Variants in DOCK10 observed in about 807,000 individuals in gnomAD.
The protein encoded by DOCK10 is dedicator of cytokinesis protein 10.
A neutral mutation model predicts 280.1 loss-of-function variants in DOCK10; 145 were observed. The ratio of observed to expected loss-of-function variants is 0.52; its 90% CI spans 0.45 to 0.59. The LOEUF (loss-of-function observed/expected upper bound fraction) is 0.59. DOCK10 is among the 20% of genes least tolerant of loss of function. The pLI is 0.00. For missense variants in DOCK10, 2,368 were observed against 2,651.7 expected, an observed-to-expected ratio of 0.89 and a Z score of 2.35; for synonymous variants, 915 against 942.2, an observed-to-expected ratio of 0.97 and a Z score of 0.53.
At chr2:224,801,396 GGTTAA>G (rs1693005514) in intron 40 of DOCK10, among the ~76,000 whole-genome samples, 1 of 151,972 alleles carries the variant, frequency 6.6e-6, no homozygotes, top group Non-Finnish European at 1.5e-5. Context: ...TGTTATATAG[GGTTAA>G]CTAAAACCCC....
In DOCK10 at chr2:224,765,877, G is replaced by T. The variant is rs192652484; in HGVS notation, c.6445-40C>A. 5.3e-5 allele frequency: 77 copies of T among 1,459,730 alleles called. No homozygotes were observed. In the East Asian group the frequency reaches 1.8e-3, roughly 34 times the overall value. 90.4% of individuals were successfully genotyped at this position (1,459,730 alleles called of 1,614,324 possible). On this transcript the variant is annotated intron_variant, in intron 55 of 55. Transcript: ENST00000258390. ...AAACACAACACAACAGAATGCAGAG[G>T]TTAATGTTAATATCCCAAACACAAA...
intron 18 of DOCK10, among the ~76,000 whole-genome samples, chr2:224,849,830 G>C (rs1327575260): frequency 6.6e-6 from 1 of 152,178 alleles, no homozygotes; most frequent in East Asian, 1.9e-4. Context: ...TCATCATATA[G>C]TTAATACGCC....
chr2:224,848,201 C>T (rs530795641), intron 19 of DOCK10, among the ~76,000 whole-genome samples: 12 of 152,232 alleles, frequency 7.9e-5, no homozygotes, highest in Admixed American at 1.3e-4. Context: ...TTTCAGACTT[C>T]GTACCACCAA....
chr2:224,840,315 A>T (rs2125456736), intron 23 of DOCK10: 2 of 326,242 alleles, frequency 6.1e-6, no homozygotes, highest in Non-Finnish European at 1.1e-5. Context: ...GAGTAAAGAG[A>T]CAACTTTACT....
intron 23 of DOCK10, among the ~76,000 whole-genome samples, chr2:224,841,226 C>CT (rs1559534178): frequency 6.6e-6 from 1 of 151,980 alleles, no homozygotes; most frequent in Admixed American, 6.6e-5. Context: ...TTAAAAATCT[C>CT]TAAGAGAGTG....
At chr2:224,776,417 T>A (rs1273061509) in intron 51 of DOCK10, among the ~76,000 whole-genome samples, 1 of 152,150 alleles carries the variant, frequency 6.6e-6, no homozygotes, top group Non-Finnish European at 1.5e-5. Context: ...GATACCAAAT[T>A]TGGCATTTTC....
chr2:225,039,769 C>T (rs909339118), intron 1 of DOCK10, among the ~76,000 whole-genome samples: 8 of 152,118 alleles, frequency 5.3e-5, no homozygotes, highest in Non-Finnish European at 1.2e-4. Context: ...GACAACCTTA[C>T]CTAAACTTAT....
At chr2:224,798,391 G>A (rs765382000) in intron 41 of DOCK10, among the ~76,000 whole-genome samples, 2 of 152,170 alleles carry the variant, frequency 1.3e-5, no homozygotes, top group Non-Finnish European at 1.5e-5. Flanking sequence ...AGTAGCTGAT[G>A]CAATGGCGAG....
intron 11 of DOCK10, among the ~76,000 whole-genome samples, chr2:224,866,390 G>A (rs371587770): frequency 2.0e-5 from 3 of 152,244 alleles, no homozygotes; most frequent in Admixed American, 6.5e-5. Context: ...ACTTCATTGT[G>A]TCTAGAGCAC....
intron 3 of DOCK10, 124 bp downstream of exon 3, chr2:224,916,571 C>G: frequency 4.5e-6 from 2 of 448,912 alleles, no homozygotes; most frequent in East Asian, 4.6e-5. Flanking sequence ...AAGACATCCA[C>G]TAGTTAGAAT....
intron 1 of DOCK10, among the ~76,000 whole-genome samples, chr2:224,959,273 G>A (rs1411524262): frequency 1.1e-5 from 1 of 94,684 alleles, no homozygotes; most frequent in Non-Finnish European, 2.5e-5. Context: ...TAGGTTGAGT[G>A]ACCTCAGGCA....
At chr2:225,026,290 T>C (rs900132657) in intron 1 of DOCK10, among the ~76,000 whole-genome samples, 3 of 152,220 alleles carry the variant, frequency 2.0e-5, no homozygotes, top group African/African-American at 7.2e-5. Flanking sequence ...ATTAGCAGCA[T>C]TCTGGCAGGG....
rs547710815 is a variant in DOCK10, at chr2:224,770,315, C to T, written c.6340G>A (p.Val2114Met). 2.2e-5 allele frequency: 36 copies of T among 1,606,554 alleles called. No individual in the cohort carries two copies. Among genetic ancestry groups the T allele is most frequent in the South Asian group, 3.4e-5 (3 of 89,438 alleles). The change falls in exon 55 of 56, where the codon GTG (valine) becomes ATG (methionine). Residue 2114 changes from valine to methionine, a missense_variant. Val to Met is a conservative substitution (Grantham distance 21). Transcript: ENST00000258390. The surrounding 1 kb of genome is among the most constrained non-coding windows in gnomAD (Gnocchi z 4.5). ...FADACGQALD[V>M]NERLIKEDQL... Reference sequence around the variant, plus strand: ...TCCTCTTTGATGAGGCGCTCATTCACGTCAAGGGCCTGCCCACATGCATCT... The same window carrying T: ...TCCTCTTTGATGAGGCGCTCATTCATGTCAAGGGCCTGCCCACATGCATCT...
At chr2:224,982,484 T>C in intron 1 of DOCK10, 1 of 1,227,622 alleles carries the variant, frequency 8.1e-7, no homozygotes, top group Non-Finnish European at 1.0e-6. Context: ...CACTCTCCAA[T>C]CACTTCCTTG....
chr2:224,823,209 A>G (rs906563242), intron 28 of DOCK10, among the ~76,000 whole-genome samples: 2 of 151,980 alleles, frequency 1.3e-5, no homozygotes, highest in South Asian at 2.1e-4. Context: ...GATGGTCTCT[A>G]TCTCTTGACC....
chr2:224,887,010 AC>A (rs1440920836), intron 4 of DOCK10, among the ~76,000 whole-genome samples: 5 of 151,676 alleles, frequency 3.3e-5, no homozygotes, highest in Non-Finnish European at 7.4e-5. Flanking sequence ...CTATCCTCCC[AC>A]CTCAGTCTCC....
intron 1 of DOCK10, among the ~76,000 whole-genome samples, chr2:225,005,330 T>C (rs766084045): frequency 2.0e-5 from 3 of 152,218 alleles, no homozygotes; most frequent in Non-Finnish European, 4.4e-5. Flanking sequence ...AAGGACATGA[T>C]TTCAATCATT....
chr2:224,830,504 T>C, intron 27 of DOCK10, 37 bp downstream of exon 27: 1 of 1,143,814 alleles, frequency 8.7e-7, no homozygotes, highest in Non-Finnish European at 1.2e-6. Context: ...GATAATATTG[T>C]AAAAATATTA....
chr2:224,776,280 C>A (rs908956485), intron 51 of DOCK10, among the ~76,000 whole-genome samples: 2 of 152,164 alleles, frequency 1.3e-5, no homozygotes, highest in African/African-American at 4.8e-5. Flanking sequence ...CTACTAATTA[C>A]ACTGTAAGGC....
Sources: gnomAD v4.1 joint callset for allele counts (sites outside exome capture counted in the v4.1 genomes callset) on GRCh38, gnomAD v4.1.1 for gene constraint, Gnocchi (gnomAD v3.1) non-coding constraint, MANE v1.5 for transcripts, NCBI Gene and HGNC (gene_info 2026-07-23, HGNC 2026-07-21) for gene names.